The following SREK1 variants were observed in gnomAD, a reference collection of about 807,000 sequenced individuals.
SREK1 encodes splicing regulatory glutamic acid and lysine rich protein 1, also known as splicing regulatory glutamine/lysine-rich protein 1.
A neutral mutation model predicts 66.5 loss-of-function variants in SREK1; 13 were observed. The observed-to-expected ratio is 0.20, with a 90% CI of 0.13 to 0.31. The LOEUF (loss-of-function observed/expected upper bound fraction) is 0.31, where lower values mean the gene tolerates loss of function less well. Among genes scored for constraint, SREK1 ranks in the 10% least tolerant of loss-of-function variants. SREK1 has a pLI of 1.00. For synonymous variants in SREK1, 265 were observed against 263.5 expected, an observed-to-expected ratio of 1.01 and a Z score of -0.05; for missense variants, 607 against 769.6, an observed-to-expected ratio of 0.79 and a Z score of 2.50.
intron 1 of SREK1, among the ~76,000 whole-genome samples, chr5:66,147,497 C>G (rs1453224289): frequency 6.6e-6 from 1 of 152,180 alleles, no homozygotes; most frequent in Non-Finnish European, 1.5e-5. Context: ...CCTGTAAGTT[C>G]CCCGTGACCC....
rs928415641 is a variant in SREK1 at position 66,180,675 on chromosome 5, A to G, written c.*1807A>G. ...AGATGCTTTACTATGTAAAGTATAG[A>G]TGGTCATTTTAATCATTCAGCCACA... On this transcript the variant is annotated 3_prime_UTR_variant, in exon 12 of 12. Transcript: ENST00000334121. 1 of 152,566 alleles carries G rather than the reference A, an allele frequency of 6.6e-6. No individual in the cohort carries two copies. The highest frequency in any genetic ancestry group is 2.4e-5 in the African/African-American group (1 of 41,430). 9.5% of individuals were successfully genotyped at this position (152,566 alleles called of 1,614,324 possible).
In SREK1 at chr5:66,170,772, C is replaced by G. The variant is rs141052674; in HGVS notation, c.1309C>G (p.Arg437Gly). 1.3e-6 allele frequency: 2 copies of G among 1,599,304 alleles called. No homozygotes were observed. Among genetic ancestry groups the G allele is most frequent in the Admixed American group, 1.7e-5 (1 of 57,328 alleles). The part of the protein sequence containing the change: ...KDKEKDRERE[R>G]EKEHEKDRDK... ...CAAGGAAAAGGACAGAGAGAGAGAA[C>G]GGGAAAAAGAGCATGAGAAGGATCG... is the stretch of plus-strand genomic sequence containing the variant. The change falls in exon 9 of 12, where the codon CGG becomes GGG. Residue 437 changes from arginine to glycine, a missense_variant. Arg to Gly is a moderately radical substitution (Grantham distance 125, BLOSUM62 -2). This residue lies in a region of SREK1 where 318 missense variants were observed against 310.3 expected (regional missense o/e 1.02). Coordinates refer to ENST00000334121, the MANE Select transcript of SREK1 (RefSeq NM_001077199.3).
chr5:66,170,197 T>C, intron 8 of SREK1, 27 bp downstream of exon 8: 1 of 1,581,614 alleles, frequency 6.3e-7, no homozygotes, highest in South Asian at 1.2e-5. Flanking sequence ...TTAACAATAA[T>C]TTTTTTTTCC....
intron 7 of SREK1, chr5:66,168,338 A>G (rs1745332465): frequency 6.6e-6 from 1 of 152,108 alleles, no homozygotes; most frequent in African/African-American, 2.4e-5. Context: ...GTTTCAAAGC[A>G]TACCACAAAA....
chr5:66,160,877 C>T (rs184477743), intron 3 of SREK1, among the ~76,000 whole-genome samples: 2 of 152,144 alleles, frequency 1.3e-5, no homozygotes, highest in East Asian at 1.9e-4. Flanking sequence ...AAGCTCTTTT[C>T]GTTCTGAAAA....
At chr5:66,166,084 T>C (rs1161164118) in intron 7 of SREK1, 1 of 152,232 alleles carries the variant, frequency 6.6e-6, no homozygotes, top group Non-Finnish European at 1.5e-5. Context: ...TGAAGGAGGT[T>C]GTTTCACATA....
chr5:66,179,198 C>G lies in SREK1; in HGVS notation c.*330C>G. 1 of 173,318 alleles carries G rather than the reference C, an allele frequency of 5.8e-6. No individual in the cohort carries two copies. Among genetic ancestry groups the G allele is most frequent in the Non-Finnish European group, 1.2e-5 (1 of 81,600 alleles). The allele number at this position is 173,318 out of a possible 1,614,324, so 10.7% of individuals were successfully genotyped here. A position where few individuals can be genotyped will look rare whatever the true frequency, so the allele number is the denominator to read the frequency against. On this transcript the variant is annotated 3_prime_UTR_variant, in exon 12 of 12. Transcript: ENST00000334121. ...TCAAAGATCCAAGTTTGTACTATCC[C>G]TAAAGACTGGAGATAAGCATTGGAG...
chr5:66,170,903 A>C lies in SREK1; in HGVS notation c.1440A>C (p.Pro480=). ...AGAAGGATAAAAAATCCAGAACACC[A>C]CCCAGGAGTTACAATGCATCGCGAA... ...KRKKDKKSRT[P]PRSYNASRRS... The change falls in exon 9 of 12, where the codon CCA becomes CCC. Residue 480 remains proline, a synonymous_variant. Coordinates refer to ENST00000334121, the MANE Select transcript of SREK1 (RefSeq NM_001077199.3). The C allele has an allele frequency of 6.2e-7, 1 of 1,612,128 alleles. No individual in the cohort carries two copies. Among genetic ancestry groups the C allele is most frequent in the Non-Finnish European group, 8.5e-7 (1 of 1,179,600 alleles).
In SREK1 at chr5:66,175,025, T is replaced by G; in HGVS notation, c.1564T>G (p.Ser522Ala). 6.2e-7 allele frequency: 1 copy of G among 1,612,032 alleles called. No homozygotes were observed. Among genetic ancestry groups the G allele is most frequent in the South Asian group, 1.1e-5 (1 of 90,624 alleles). ...AACCATAAAAAGGAAATCTTCTAGA[T>G]CTCCGTCCCCCAGGAGGTAGGTTGG... ...SKTIKRKSSR[S>A]PSPRSRNKKD... Residue 522 changes from serine (S) to alanine (A), a missense_variant, in exon 10 of 12, where the codon TCT becomes GCT. Transcript: ENST00000334121.
chr5:66,152,916 A>G (rs1743965977), intron 1 of SREK1, among the ~76,000 whole-genome samples: 1 of 151,984 alleles, frequency 6.6e-6, no homozygotes, highest in South Asian at 2.1e-4. Context: ...CCTATAAAAT[A>G]TGTAAGATTT....
intron 1 of SREK1, among the ~76,000 whole-genome samples, chr5:66,147,394 A>G (rs1381744490): frequency 2.0e-5 from 3 of 152,336 alleles, no homozygotes; most frequent in South Asian, 2.1e-4. Context: ...TAATGTACCT[A>G]CAGAGAAGTG....
rs1288383723 is a variant in SREK1 at position 66,183,459 on chromosome 5, T to G, written c.*4591T>G. 1 of 152,172 alleles carries G rather than the reference T, an allele frequency of 6.6e-6. No homozygotes were observed. The highest frequency in any genetic ancestry group is 1.5e-5 in the Non-Finnish European group (1 of 68,010). 9.4% of individuals were successfully genotyped at this position (152,172 alleles called of 1,614,324 possible). ...TTAGATTAATAGAACAGTGTTAGAT[T>G]ATCAAGGGAAGAGTTTGGAATGTAA... On this transcript the variant is annotated 3_prime_UTR_variant, in exon 12 of 12. Coordinates refer to ENST00000334121, the MANE Select transcript of SREK1 (RefSeq NM_001077199.3).
At chr5:66,164,144 A>G in intron 6 of SREK1, 1 of 459,506 alleles carries the variant, frequency 2.2e-6, no homozygotes, top group Non-Finnish European at 3.7e-6. Flanking sequence ...TGAGCTAATC[A>G]GCTCTGTATT....
rs979117265 is a variant in SREK1, at chr5:66,144,430, G to C, written c.54G>C (p.Thr18=). The C allele has an allele frequency of 1.3e-6, 2 of 1,551,696 alleles. No homozygotes were observed. Among genetic ancestry groups the C allele is most frequent in the Admixed American group, 2.0e-5 (1 of 51,036 alleles). ...GLGLGFGLTP[T]SVIQVTNLSS... ...GCTTAGGCTTCGGCCTCACCCCCAC[G>C]TCGGTGATTCAGGTGACGAATCTGT... The change falls in exon 1 of 12, where the codon ACG becomes ACC. Residue 18 remains threonine, a synonymous_variant. Coordinates refer to ENST00000334121, the MANE Select transcript of SREK1 (RefSeq NM_001077199.3).
intron 7 of SREK1, chr5:66,166,387 G>T (rs1422768060): frequency 1.3e-5 from 2 of 152,168 alleles, no homozygotes; most frequent in Admixed American, 6.5e-5. Context: ...TCATCTAAGT[G>T]AAGTTTTATG....
rs1412716255 is a variant in SREK1 at position 66,180,285 on chromosome 5, CATT to C, written c.*1421_*1423del. ...TACTATAACTTGTGGTTTCTGAACT[CATT>C]ATTGTTGTATTTCCAAAAAAGTAAT... On this transcript the variant is annotated 3_prime_UTR_variant, in exon 12 of 12. Transcript: ENST00000334121. 6 of 152,478 alleles carry C rather than the reference CATT, an allele frequency of 3.9e-5. No individual in the cohort carries two copies. The highest frequency in any genetic ancestry group is 1.9e-4 in the East Asian group (1 of 5,200). 9.4% of individuals were successfully genotyped at this position (152,478 alleles called of 1,614,324 possible). A position where few individuals can be genotyped will look rare whatever the true frequency, so the allele number is the denominator to read the frequency against.
At chr5:66,147,945 T>C (rs1304705351) in intron 1 of SREK1, among the ~76,000 whole-genome samples, 1 of 152,070 alleles carries the variant, frequency 6.6e-6, no homozygotes, top group African/African-American at 2.4e-5. Flanking sequence ...TGCTGTCTTA[T>C]TTATAGTAAT....
At chr5:66,163,713 AT>A (rs1744949155) in intron 5 of SREK1, 78 bp from the exon 6 acceptor site, 8 of 1,434,962 alleles carry the variant, frequency 5.6e-6, no homozygotes, top group Non-Finnish European at 7.6e-6. Flanking sequence ...GTTTATAAAT[AT>A]GTGTATCATA....
intron 1 of SREK1, among the ~76,000 whole-genome samples, chr5:66,147,128 G>C (rs1372476739): frequency 6.6e-6 from 1 of 152,144 alleles, no homozygotes; most frequent in African/African-American, 2.4e-5. Context: ...CTTTTGGCAT[G>C]ATGCAGTGGT....
Sources: gnomAD v4.1 joint callset for allele counts (sites outside exome capture counted in the v4.1 genomes callset) on GRCh38, gnomAD v4.1.1 for gene constraint, gnomAD v4.1.1 regional missense constraint, MANE v1.5 for transcripts, NCBI Gene and HGNC (gene_info 2026-07-23, HGNC 2026-07-21) for gene names.